The following ATP11C variants were observed in gnomAD, a reference collection of about 807,000 sequenced individuals.
The protein encoded by ATP11C is phospholipid-transporting ATPase IG.
In ATP11C, 36 loss-of-function variants were observed where a neutral mutation model predicts 97.4. The observed-to-expected ratio is 0.37, with a 90% CI of 0.28 to 0.49. The LOEUF is 0.49. ATP11C is among the 20% of genes least tolerant of loss of function. The pLI is 0.98. For missense variants in ATP11C, 730 were observed against 824.6 expected (o/e 0.89, Z 1.40); for synonymous variants, 275 against 290.9 (o/e 0.95, Z 0.56).
chrX:139,754,091 C>G (rs1416976552), intron 23 of ATP11C, among the ~76,000 whole-genome samples: 1 of 110,363 alleles, frequency 9.1e-6, no homozygotes, highest in Non-Finnish European at 1.9e-5. Context: ...TGGACTAATA[C>G]AGAAAAAAAA....
intron 1 of ATP11C, among the ~76,000 whole-genome samples, chrX:139,908,950 G>A (rs1424759054): frequency 1.8e-5 from 2 of 111,632 alleles, no homozygotes; most frequent in African/African-American, 6.5e-5. Context: ...CAGGACCCAG[G>A]ACTAAAGCTC....
At chrX:139,790,893 A>C (rs368266702) in intron 12 of ATP11C, among the ~76,000 whole-genome samples, 3 of 111,728 alleles carry the variant, frequency 2.7e-5, no homozygotes, top group Non-Finnish European at 5.6e-5. Context: ...CACTAAGATA[A>C]ATCATTTTGA....
intron 2 of ATP11C, among the ~76,000 whole-genome samples, chrX:139,823,506 C>G (rs1046693159): frequency 3.6e-5 from 4 of 111,914 alleles, no homozygotes; most frequent in African/African-American, 1.3e-4. Context: ...TTGTTTTGAC[C>G]AGTTCTGTGT....
chrX:139,933,063 G>A (rs937912093), upstream of ATP11C: 45 of 111,653 alleles, frequency 4.0e-4, no homozygotes, highest in Non-Finnish European at 7.7e-4. Flanking sequence ...CGTTGCTGCT[G>A]CGCAGCGGGG....
At chrX:139,853,091 T>G (rs1037662555) in intron 1 of ATP11C, among the ~76,000 whole-genome samples, 1 of 111,563 alleles carries the variant, frequency 9.0e-6, no homozygotes, top group East Asian at 2.8e-4. Flanking sequence ...AGGCGAGACA[T>G]CCCTGGTTTC....
At chrX:139,860,527 C>A (rs893004962) in intron 1 of ATP11C, among the ~76,000 whole-genome samples, 23 of 111,751 alleles carry the variant, frequency 2.1e-4, no homozygotes, top group African/African-American at 7.1e-4. Flanking sequence ...TCAAAATAAT[C>A]CAGATTCAGG....
At chrX:139,734,871 CA>C (rs1324234762) in intron 28 of ATP11C, among the ~76,000 whole-genome samples, 1 of 111,565 alleles carries the variant, frequency 9.0e-6, no homozygotes, top group Admixed American at 9.5e-5. Flanking sequence ...AGAGAACCTA[CA>C]TTTGAAGATA....
chrX:139,747,914 G>A (rs751877688), intron 24 of ATP11C, among the ~76,000 whole-genome samples: 5 of 111,854 alleles, frequency 4.5e-5, no homozygotes, highest in South Asian at 3.8e-4. Flanking sequence ...CTTTGGGCTC[G>A]GCAATAGGTA....
At chrX:139,802,427 TTA>T (rs1414716794) in intron 6 of ATP11C, 88 bp from the exon 7 acceptor site, 2 of 527,078 alleles carry the variant, frequency 3.8e-6, no homozygotes, top group Non-Finnish European at 6.4e-6. Flanking sequence ...CAAATTTAGT[TTA>T]TGTTTTAGTA....
Position 139,728,200 on chromosome X carries a change from G to A in ATP11C, c.*766C>T. On this transcript the variant is annotated 3_prime_UTR_variant, in exon 30 of 30. Transcript: ENST00000682941. ...TACTTTGAGGGGCTACTAAGTGATT[G>A]GAAATGTTTTATACTTTATTTTCAA... 1 of 111,713 alleles carries A rather than the reference G, an allele frequency of 9.0e-6. No individual in the cohort carries two copies. The highest frequency in any genetic ancestry group is 2.8e-4 in the East Asian group (1 of 3,574). The allele number at this position is 111,713 out of a possible 1,213,427, so 9.2% of individuals were successfully genotyped here. A position where few individuals can be genotyped will look rare whatever the true frequency, so the allele number is the denominator to read the frequency against.
At chrX:139,767,394 T>C (rs994253398) in intron 20 of ATP11C, among the ~76,000 whole-genome samples, 7 of 110,986 alleles carry the variant, frequency 6.3e-5, no homozygotes, top group South Asian at 3.8e-4. Context: ...GGCGACTATA[T>C]ATAGAGGGAG....
At chrX:139,742,956 G>A (rs1256067979) in intron 26 of ATP11C, among the ~76,000 whole-genome samples, 1 of 101,929 alleles carries the variant, frequency 9.8e-6, no homozygotes, top group Non-Finnish European at 2.0e-5. Context: ...GGCTGGTCTT[G>A]AACTCCTGGG....
At chrX:139,901,344 G>A (rs1339208138) in intron 1 of ATP11C, among the ~76,000 whole-genome samples, 1 of 112,146 alleles carries the variant, frequency 8.9e-6, no homozygotes, top group African/African-American at 3.2e-5. Flanking sequence ...CTGGGCCCAT[G>A]AAATGAGTGG....
At chrX:139,831,738 T>C (rs2083653610) in intron 1 of ATP11C, among the ~76,000 whole-genome samples, 1 of 111,900 alleles carries the variant, frequency 8.9e-6, no homozygotes, top group Non-Finnish European at 1.9e-5. Flanking sequence ...CTTTTAATGA[T>C]TCAGGTTCTT....
Position 139,783,361 on chromosome X carries a change from A to G in ATP11C, c.1667-94T>C, listed in dbSNP as rs992395105. 2.4e-5 allele frequency: 14 copies of G among 582,447 alleles called. No individual in the cohort carries two copies. In the South Asian group the frequency reaches 3.7e-4, roughly 16 times the overall value. The allele number at this position is 582,447 out of a possible 1,213,427, so 48.0% of individuals were successfully genotyped here. A position where few individuals can be genotyped will look rare whatever the true frequency, so the allele number is the denominator to read the frequency against. On this transcript the variant is annotated intron_variant, in intron 16 of 29. Coordinates refer to ENST00000682941, the MANE Select transcript of ATP11C (RefSeq NM_001353812.2). Reference sequence around the variant, plus strand: ...CTTTTAAAGCGGTCTCTCTCACCCAAGTGTTGTATATTCTGAGCACACCTT... The same window carrying G: ...CTTTTAAAGCGGTCTCTCTCACCCAGGTGTTGTATATTCTGAGCACACCTT...
intron 1 of ATP11C, among the ~76,000 whole-genome samples, chrX:139,907,620 T>C (rs1348114515): frequency 9.1e-6 from 1 of 109,678 alleles, no homozygotes; most frequent in Non-Finnish European, 1.9e-5. Flanking sequence ...TGGTGGTGGG[T>C]GCCTGTAGTC....
chrX:139,821,840 T>C (rs1252579171), intron 2 of ATP11C, among the ~76,000 whole-genome samples: 1 of 112,585 alleles, frequency 8.9e-6, no homozygotes, highest in Non-Finnish European at 1.9e-5. Flanking sequence ...CCATTTACTC[T>C]ACTGGTTTAA....
intron 18 of ATP11C, among the ~76,000 whole-genome samples, chrX:139,781,444 C>T (rs1037863913): frequency 8.9e-6 from 1 of 112,519 alleles, no homozygotes; most frequent in African/African-American, 3.2e-5. Context: ...CCAGGCACGG[C>T]GGCTCATGCC....
At chrX:139,880,517 G>A (rs997231588) in intron 1 of ATP11C, among the ~76,000 whole-genome samples, 1 of 111,481 alleles carries the variant, frequency 9.0e-6, no homozygotes, top group Non-Finnish European at 1.9e-5. Flanking sequence ...GGTAGTTCTT[G>A]ATGTAATCAG....
Sources: allele counts gnomAD v4.1 joint callset (sites outside exome capture counted in the v4.1 genomes callset), GRCh38; gene constraint gnomAD v4.1.1; transcripts MANE v1.5; gene names NCBI Gene and HGNC (gene_info 2026-07-23, HGNC 2026-07-21).